The following DYNC2LI1 variants were observed in gnomAD, a reference collection of about 807,000 sequenced individuals.
The protein encoded by DYNC2LI1 is cytoplasmic dynein 2 light intermediate chain 1.
In DYNC2LI1, 45 loss-of-function variants were observed where a neutral mutation model predicts 51.9. That is an observed-to-expected ratio of 0.87 (90% confidence interval 0.68 to 1.11). The LOEUF is 1.11. Among genes scored for constraint, DYNC2LI1 ranks in the 50% most tolerant of loss-of-function variants. DYNC2LI1 has a pLI of 0.00. For missense variants in DYNC2LI1, 490 were observed against 417.4 expected (o/e 1.17, Z -1.51); for synonymous variants, 130 against 137.8 (o/e 0.94, Z 0.40).
intron 2 of DYNC2LI1, among the ~76,000 whole-genome samples, chr2:43,777,733 T>G (rs1445148799): frequency 6.6e-6 from 1 of 152,232 alleles, no homozygotes; most frequent in African/African-American, 2.4e-5. Context: ...CCAGGCAGCC[T>G]GAGCACCCGT....
chr2:43,814,583 T>C, downstream of DYNC2LI1: 7 of 1,579,848 alleles, frequency 4.4e-6, no homozygotes, highest in Non-Finnish European at 6.1e-6. Flanking sequence ...GCATTTCTTG[T>C]ATGTTTCTTA....
intron 12 of DYNC2LI1, among the ~76,000 whole-genome samples, chr2:43,808,738 G>A (rs980680030): frequency 1.3e-5 from 2 of 152,092 alleles, no homozygotes; most frequent in African/African-American, 2.4e-5. Flanking sequence ...CTTTTTTCAT[G>A]TGGCACACAT....
chr2:43,822,453 C>T, the DYNC2LI1 span: 3 of 917,846 alleles, frequency 3.3e-6, no homozygotes, highest in African/African-American at 1.9e-5. Context: ...GTTTTACATT[C>T]AGGCTGCTTT....
intron 7 of DYNC2LI1, among the ~76,000 whole-genome samples, chr2:43,796,494 A>G (rs960805148): frequency 2.0e-5 from 3 of 152,200 alleles, no homozygotes; most frequent in Admixed American, 6.5e-5. Flanking sequence ...TCTAAATTCT[A>G]TTGAGCTAAG....
intron 12 of DYNC2LI1, among the ~76,000 whole-genome samples, chr2:43,808,008 G>A (rs1358704197): frequency 1.3e-5 from 2 of 151,942 alleles, no homozygotes; most frequent in East Asian, 3.8e-4. Flanking sequence ...TCTGCAAAAG[G>A]GAGATACTAC....
At chr2:43,814,569 A>T, downstream of DYNC2LI1, 1 of 1,601,602 alleles carries the variant, frequency 6.2e-7, no homozygotes, top group Non-Finnish European at 8.6e-7. Flanking sequence ...TTTAAAAGGA[A>T]TGGGCATTTC....
chr2:43,822,220 C>T, the DYNC2LI1 span, among the ~76,000 whole-genome samples: 434 of 152,238 alleles, frequency 2.9e-3, 3 homozygotes, highest in Middle Eastern at 6.8e-3. Context: ...ATGACTCTAC[C>T]GAAGCTCTTT....
intron 12 of DYNC2LI1, among the ~76,000 whole-genome samples, chr2:43,806,081 A>G (rs1418688106): frequency 6.6e-6 from 1 of 151,952 alleles, no homozygotes; most frequent in African/African-American, 2.4e-5. Context: ...ACGGGGTTTC[A>G]CCATCTTGGC....
At chr2:43,776,644 T>C in intron 1 of DYNC2LI1, 138 bp from the exon 2 acceptor site, 1 of 539,594 alleles carries the variant, frequency 1.9e-6, no homozygotes, top group Non-Finnish European at 3.3e-6. Context: ...CTCAGATGTT[T>C]TACCAGATTA....
chr2:43,781,908 C>A (rs985929650), intron 2 of DYNC2LI1: 4 of 152,048 alleles, frequency 2.6e-5, no homozygotes, highest in African/African-American at 9.7e-5. Flanking sequence ...GGCAGAAAAT[C>A]CTGATTTTCT....
chr2:43,822,469 C>CGG, the DYNC2LI1 span: 1 of 815,082 alleles, frequency 1.2e-6, no homozygotes, highest in Non-Finnish European at 1.4e-6. Context: ...GCTTTCTCCC[C>CGG]TCCCCCAGGC....
At chr2:43,783,286 G>A (rs1214276420) in intron 2 of DYNC2LI1, among the ~76,000 whole-genome samples, 1 of 152,112 alleles carries the variant, frequency 6.6e-6, no homozygotes, top group Non-Finnish European at 1.5e-5. Context: ...TGTCATCTGT[G>A]GGACTTTATA....
At chr2:43,794,186 G>A in intron 5 of DYNC2LI1, 1 of 298,960 alleles carries the variant, frequency 3.3e-6, no homozygotes, top group Non-Finnish European at 6.2e-6. Context: ...AATGCTTGGA[G>A]CTTCTCTATT....
At chr2:43,820,670 T>C in the DYNC2LI1 span, among the ~76,000 whole-genome samples, 2 of 152,232 alleles carry the variant, frequency 1.3e-5, no homozygotes, top group Non-Finnish European at 2.9e-5. Context: ...GTTTTCTTTT[T>C]TGAGACGGAG....
At chr2:43,796,639 A>G (rs184577235) in intron 7 of DYNC2LI1, 79 bp from the exon 8 acceptor site, 7 of 1,030,332 alleles carry the variant, frequency 6.8e-6, no homozygotes, top group East Asian at 5.0e-5. Context: ...GAAATAATCT[A>G]TTCTACATTT....
chr2:43,823,144 T>G, the DYNC2LI1 span, among the ~76,000 whole-genome samples: 1 of 152,150 alleles, frequency 6.6e-6, no homozygotes, highest in African/African-American at 2.4e-5. Flanking sequence ...TGCAATACAA[T>G]TGCAAAAGAT....
intron 5 of DYNC2LI1, among the ~76,000 whole-genome samples, chr2:43,790,184 A>C (rs1673709630): frequency 1.3e-5 from 2 of 152,178 alleles, no homozygotes; most frequent in Non-Finnish European, 2.9e-5. Context: ...CGGAGAAGAG[A>C]GAAAGTCTCT....
At chr2:43,821,732 A>G in the DYNC2LI1 span, among the ~76,000 whole-genome samples, 1 of 152,190 alleles carries the variant, frequency 6.6e-6, no homozygotes, top group Non-Finnish European at 1.5e-5. Context: ...AGCATGTCCC[A>G]TGATGACTGA....
At chr2:43,813,685 G>T (rs201556839), downstream of DYNC2LI1, among the ~76,000 whole-genome samples, 291 of 18,572 alleles carry the variant, frequency 0.016, no homozygotes, top group Middle Eastern at 0.036. Flanking sequence ...TTTTTTTTTT[G>T]TTTTTTTTGG....
Sources: allele counts gnomAD v4.1 joint callset (sites outside exome capture counted in the v4.1 genomes callset), GRCh38; gene constraint gnomAD v4.1.1; transcripts MANE v1.5; gene names NCBI Gene and HGNC (gene_info 2026-07-23, HGNC 2026-07-21).